RBFOX1: variants seen among roughly 807,000 people sequenced by gnomAD.
RBFOX1 encodes the protein RNA binding protein fox-1 homolog 1.
A neutral mutation model predicts 57.7 loss-of-function variants in RBFOX1; 8 were observed. The ratio of observed to expected loss-of-function variants is 0.14; its 90% CI spans 0.08 to 0.25. The LOEUF is 0.25. RBFOX1 is among the 10% of genes least tolerant of loss of function. The pLI, the probability that RBFOX1 is intolerant of heterozygous loss-of-function variation, is 1.00. For synonymous variants in RBFOX1, 326 were observed against 222.4 expected, an observed-to-expected ratio of 1.47 and a Z score of -4.15; for missense variants, 611 against 548.5, an observed-to-expected ratio of 1.11 and a Z score of -1.14.
chr16:7,567,786 C>T (rs2092258489), intron 5 of RBFOX1, among the ~76,000 whole-genome samples: 1 of 147,280 alleles, frequency 6.8e-6, no homozygotes, highest in Non-Finnish European at 1.5e-5. Context: ...TATATATATC[C>T]ATATGTATAC....
Position 6,417,534 on chromosome 16 carries a change from C to T in RBFOX1, c.-64+100477C>T, listed in dbSNP as rs371800473. 2.1e-4 allele frequency among the ~76,000 whole-genome samples: 31 copies of T among 148,576 alleles called. No individual in the cohort carries two copies. The South Asian group carries it at 5.6e-3, about 27-fold the overall frequency. ...CCTCCCGAATAGCTGGGATTACAGG[C>T]GCCCACCACCATGCCTGGCTAGTTT... On this transcript the variant is annotated intron_variant, in intron 2 of 15. Transcript: ENST00000550418.
At chr16:5,846,225 C>G (rs2056753886) in intron 3 of RBFOX1, among the ~76,000 whole-genome samples, 1 of 150,564 alleles carries the variant, frequency 6.6e-6, no homozygotes, top group Admixed American at 6.6e-5. Context: ...TAAGAAAATG[C>G]ACAGGAAGCT....
chr16:6,105,074 C>A (rs1045517801), intron 1 of RBFOX1, among the ~76,000 whole-genome samples: 1 of 152,130 alleles, frequency 6.6e-6, no homozygotes, highest in South Asian at 2.1e-4. Context: ...AATTCAGAAG[C>A]CAAGAAGGAG....
At chr16:6,266,406 A>T (rs1171385919) in intron 1 of RBFOX1, among the ~76,000 whole-genome samples, 5 of 152,102 alleles carry the variant, frequency 3.3e-5, no homozygotes, top group Non-Finnish European at 5.9e-5. Context: ...TCAGAATCTA[A>T]GAGTCTTAGA....
intron 3 of RBFOX1, among the ~76,000 whole-genome samples, chr16:6,899,516 G>A (rs2067924104): frequency 1.3e-5 from 2 of 152,168 alleles, no homozygotes; most frequent in African/African-American, 4.8e-5. Context: ...TGAGTGGAAA[G>A]GAATGAGTTT....
intron 3 of RBFOX1, among the ~76,000 whole-genome samples, chr16:6,946,634 G>T (rs1196581898): frequency 1.3e-5 from 2 of 151,670 alleles, no homozygotes; most frequent in Non-Finnish European, 2.9e-5. Flanking sequence ...TTAGGGTCTG[G>T]TTCAGTCACC....
At chr16:6,728,433 C>T (rs1208602493) in intron 3 of RBFOX1, among the ~76,000 whole-genome samples, 1 of 152,126 alleles carries the variant, frequency 6.6e-6, no homozygotes, top group Non-Finnish European at 1.5e-5. Context: ...TTGTATGTTT[C>T]ATAACCTTGG....
At chr16:6,521,890 C>G (rs945256242) in intron 2 of RBFOX1, among the ~76,000 whole-genome samples, 2 of 152,020 alleles carry the variant, frequency 1.3e-5, no homozygotes, top group African/African-American at 2.4e-5. Flanking sequence ...CCATTTTAAT[C>G]TGTGTTTGGG....
At chr16:7,423,088 GGAGAAAGA>G (rs1202216724) in intron 4 of RBFOX1, 2 of 78,224 alleles carry the variant, frequency 2.6e-5, no homozygotes, top group South Asian at 6.1e-4. Context: ...AGAGAATGAG[GGAGAAAGA>G]GAGAGAGAGA....
chr16:7,650,023 AGAAAGAG>A (rs547734795), intron 11 of RBFOX1, among the ~76,000 whole-genome samples: 1,986 of 46,194 alleles, frequency 0.043, 50 homozygotes, highest in African/African-American at 0.11. Context: ...GACAAAAGGA[AGAAAGAG>A]GGAGGGAAGG....
intron 4 of RBFOX1, among the ~76,000 whole-genome samples, chr16:7,149,020 G>A (rs2075600125): frequency 6.6e-6 from 1 of 152,208 alleles, no homozygotes; most frequent in Non-Finnish European, 1.5e-5. Flanking sequence ...AATGCGTCAA[G>A]GGAAGGGGCC....
chr16:6,211,627 C>T (rs942319596), intron 1 of RBFOX1, among the ~76,000 whole-genome samples: 7 of 152,140 alleles, frequency 4.6e-5, no homozygotes, highest in East Asian at 1.9e-4. Context: ...GTCAGGTCCC[C>T]GTTTGTAAAG....
intron 3 of RBFOX1, among the ~76,000 whole-genome samples, chr16:6,691,692 A>G (rs1169110198): frequency 3.9e-5 from 6 of 152,214 alleles, no homozygotes; most frequent in African/African-American, 9.6e-5. Flanking sequence ...CAAACTGTCC[A>G]CGTCCTAATC....
At chr16:7,378,455 T>C (rs1384035210) in intron 4 of RBFOX1, among the ~76,000 whole-genome samples, 3 of 152,170 alleles carry the variant, frequency 2.0e-5, no homozygotes, top group African/African-American at 7.2e-5. Flanking sequence ...GCAGAACTGC[T>C]GTCTTCCAAG....
intron 1 of RBFOX1, among the ~76,000 whole-genome samples, chr16:6,210,377 A>AAAAAAAAAAAAAAAAAG (rs1555552426): frequency 1.6e-5 from 2 of 128,440 alleles, no homozygotes; most frequent in Non-Finnish European, 3.4e-5. Flanking sequence ...AAAAAAAAAA[A>AAAAAAAAAAAAAAAAAG]AGAGAAAGGA....
chr16:5,711,479 A>G (rs740654), intron 3 of RBFOX1, among the ~76,000 whole-genome samples: 78,486 of 152,090 alleles, frequency 0.52, 25,133 homozygotes, highest in Non-Finnish European at 0.72. Flanking sequence ...TGGACAGACA[A>G]TGTCACTGTG....
chr16:7,183,180 T>A (rs2083066764), intron 4 of RBFOX1, among the ~76,000 whole-genome samples: 1 of 152,154 alleles, frequency 6.6e-6, no homozygotes, highest in Non-Finnish European at 1.5e-5. Flanking sequence ...TTGAGTCAGA[T>A]AGAACAGCCA....
intron 4 of RBFOX1, among the ~76,000 whole-genome samples, chr16:7,310,043 T>G (rs1034531484): frequency 5.3e-5 from 8 of 152,230 alleles, no homozygotes; most frequent in African/African-American, 1.7e-4. Context: ...GTTGGCATGA[T>G]GCAGCTTGCC....
intron 2 of RBFOX1, among the ~76,000 whole-genome samples, chr16:5,561,372 A>AT (rs150566654): frequency 9.2e-4 from 137 of 149,686 alleles, no homozygotes; most frequent in African/African-American, 2.6e-3. Context: ...CTATAGCTTC[A>AT]TTTTTTTTTT....
Sources: allele counts gnomAD v4.1 joint callset (sites outside exome capture counted in the v4.1 genomes callset), GRCh38; gene constraint gnomAD v4.1.1; transcripts MANE v1.5; gene names NCBI Gene and HGNC (gene_info 2026-07-23, HGNC 2026-07-21).